ADARB2: variants seen among roughly 807,000 people sequenced by gnomAD.
The protein encoded by ADARB2 is adenosine deaminase RNA specific B2 (inactive), also known as inactive double-stranded RNA-specific editase B2.
A neutral mutation model predicts 62.2 loss-of-function variants in ADARB2; 25 were observed. That is an observed-to-expected ratio of 0.40 (90% CI 0.29 to 0.56). The LOEUF (loss-of-function observed/expected upper bound fraction) is 0.56. Ranked by LOEUF, ADARB2 falls within the 20% of genes least tolerant of loss-of-function variation. ADARB2 has a pLI of 0.43. For missense variants in ADARB2, 1,071 were observed against 1,077.4 expected (o/e 0.99, Z 0.08); for synonymous variants, 572 against 500.8 (o/e 1.14, Z -1.90).
intron 8 of ADARB2, among the ~76,000 whole-genome samples, chr10:1,198,626 C>A (rs1836941948): frequency 6.6e-6 from 1 of 152,246 alleles, no homozygotes; most frequent in South Asian, 2.1e-4. Context: ...CGTGGTGTGG[C>A]AGGTGCCACC....
chr10:1,191,032 G>T (rs944763674), intron 8 of ADARB2, among the ~76,000 whole-genome samples: 1 of 150,780 alleles, frequency 6.6e-6, no homozygotes, highest in African/African-American at 2.5e-5. Context: ...ACACTCTGCA[G>T]AATGGGGGTT....
intron 1 of ADARB2, among the ~76,000 whole-genome samples, chr10:1,576,553 C>A (rs1359615492): frequency 6.6e-6 from 1 of 152,104 alleles, no homozygotes; most frequent in African/African-American, 2.4e-5. Flanking sequence ...GCAGGTGGGA[C>A]CCCAGGGATA....
intron 1 of ADARB2, among the ~76,000 whole-genome samples, chr10:1,642,245 A>G (rs1182095579): frequency 1.4e-5 from 2 of 147,662 alleles, no homozygotes; most frequent in Non-Finnish European, 2.9e-5. Flanking sequence ...TATCAAAAAT[A>G]CTCAAAGCAT....
At position 1,179,748 on chromosome 10, in the gene ADARB2, A is replaced by C. The variant is rs1007153185; in HGVS notation, c.*3445T>G. 2.6e-5 allele frequency: 4 copies of C among 152,268 alleles called. No individual in the cohort carries two copies. The highest frequency in any genetic ancestry group is 9.6e-5 in the African/African-American group (4 of 41,462). The allele number at this position is 152,268 out of a possible 1,614,324, so 9.4% of individuals were successfully genotyped here. ...TATAGACTACAGAAAATCTGAAGCA[A>C]GGGTATGAATACAGACCACAGAAAA... On this transcript the variant is annotated 3_prime_UTR_variant, in exon 10 of 10. Transcript: ENST00000381312.
intron 1 of ADARB2, among the ~76,000 whole-genome samples, chr10:1,472,580 C>T (rs1199396571): frequency 6.6e-6 from 1 of 152,218 alleles, no homozygotes; most frequent in Non-Finnish European, 1.5e-5. Flanking sequence ...AGAGAAATGT[C>T]ATGCCTTCAA....
chr10:1,198,535 T>G (rs1836940580), intron 8 of ADARB2, among the ~76,000 whole-genome samples: 1 of 152,222 alleles, frequency 6.6e-6, no homozygotes, highest in Admixed American at 6.5e-5. Flanking sequence ...TTAGGCTCAT[T>G]TGCATCTGCA....
chr10:1,197,090 G>C (rs968082921), intron 8 of ADARB2, among the ~76,000 whole-genome samples: 2 of 152,216 alleles, frequency 1.3e-5, no homozygotes, highest in African/African-American at 4.8e-5. Flanking sequence ...CTCCAAAATA[G>C]ACCTCTGTTT....
rs1357146479 is a variant in ADARB2, at chr10:1,183,097, G to T, written c.*96C>A. 1 of 1,396,612 alleles carries T rather than the reference G, an allele frequency of 7.2e-7. No homozygotes were observed. Among genetic ancestry groups the T allele is most frequent in the Non-Finnish European group, 9.7e-7 (1 of 1,028,632 alleles). 86.5% of individuals were successfully genotyped at this position (1,396,612 alleles called of 1,614,324 possible). A position where few individuals can be genotyped will look rare whatever the true frequency, so the allele number is the denominator to read the frequency against. The stretch of plus-strand genomic sequence containing the variant: ...TGTTTCTGGGACACCAAAGTAAAAC[G>T]AATGCAGGGAACCGGCCGACCCGCC... On this transcript the variant is annotated 3_prime_UTR_variant, in exon 10 of 10. Coordinates refer to ENST00000381312, the MANE Select transcript of ADARB2 (RefSeq NM_018702.4).
At chr10:1,540,865 GTAGTT>G in intron 1 of ADARB2, among the ~76,000 whole-genome samples, 1 of 53,810 alleles carries the variant, frequency 1.9e-5, no homozygotes, top group Non-Finnish European at 3.7e-5. Context: ...CCACTCAGAC[GTAGTT>G]CAGACCCTGG....
intron 1 of ADARB2, among the ~76,000 whole-genome samples, chr10:1,576,740 C>T (rs1047403272): frequency 1.3e-5 from 2 of 152,160 alleles, no homozygotes; most frequent in Non-Finnish European, 2.9e-5. Flanking sequence ...AGCCCTGAAA[C>T]CCACATCCCC....
chr10:1,647,637 T>A (rs901697634), intron 1 of ADARB2, among the ~76,000 whole-genome samples: 1 of 152,108 alleles, frequency 6.6e-6, no homozygotes. Context: ...TGTGTGGATA[T>A]ATATGTGTGG....
At chr10:1,280,054 A>C (rs996888137) in intron 3 of ADARB2, among the ~76,000 whole-genome samples, 1 of 152,124 alleles carries the variant, frequency 6.6e-6, no homozygotes, top group African/African-American at 2.4e-5. Flanking sequence ...GATGTTCTCA[A>C]CTGAATGTCT....
chr10:1,479,431 C>G (rs543249809), intron 1 of ADARB2, among the ~76,000 whole-genome samples: 16 of 152,242 alleles, frequency 1.1e-4, no homozygotes, highest in Middle Eastern at 3.4e-3. Flanking sequence ...CTTCAGGGCC[C>G]GGACAGCAGA....
intron 7 of ADARB2, among the ~76,000 whole-genome samples, chr10:1,212,751 G>T (rs1206007551): frequency 6.6e-6 from 1 of 151,634 alleles, no homozygotes; most frequent in East Asian, 1.9e-4. Flanking sequence ...ACCGTGGCAG[G>T]CACCCTGCAG....
At chr10:1,411,434 C>T (rs1832758904) in intron 1 of ADARB2, among the ~76,000 whole-genome samples, 1 of 152,240 alleles carries the variant, frequency 6.6e-6, no homozygotes, top group Non-Finnish European at 1.5e-5. Context: ...CAGGAGAAAC[C>T]AGGGCTTCCA....
At chr10:1,590,153 G>A (rs567345669) in intron 1 of ADARB2, among the ~76,000 whole-genome samples, 11 of 152,172 alleles carry the variant, frequency 7.2e-5, no homozygotes, top group South Asian at 2.1e-4. Flanking sequence ...TGGTATCATC[G>A]CAAGGCATAG....
At position 1,546,018 on chromosome 10, in the gene ADARB2, AAAAG is replaced by A. The variant is rs1220692737; in HGVS notation, c.101-166862_101-166859del. The stretch of plus-strand genomic sequence containing the variant: ...AATGACCCTTAGTCCTTTAAAAAAA[AAAAG>A]AAAGCACCAAGGAGCTGAAACTCAC... On this transcript the variant is annotated intron_variant, in intron 1 of 9. Coordinates refer to ENST00000381312, the MANE Select transcript of ADARB2 (RefSeq NM_018702.4). Among the ~76,000 whole-genome samples, 11 of 152,258 alleles carry A rather than the reference AAAAG, an allele frequency of 7.2e-5. No individual in the cohort carries two copies. In the East Asian group the frequency reaches 1.7e-3, roughly 24 times the overall value.
At chr10:1,389,643 T>C (rs1832552048) in intron 1 of ADARB2, among the ~76,000 whole-genome samples, 1 of 151,984 alleles carries the variant, frequency 6.6e-6, no homozygotes, top group African/African-American at 2.4e-5. Flanking sequence ...CTTGGGAGGC[T>C]AAGGTTCAAG....
At chr10:1,716,445 G>A (rs573848292) in intron 1 of ADARB2, among the ~76,000 whole-genome samples, 22 of 152,324 alleles carry the variant, frequency 1.4e-4, no homozygotes, top group Admixed American at 8.5e-4. Flanking sequence ...GCCAGTGAAA[G>A]TTCTTGATAT....
Sources: gnomAD v4.1 joint callset for allele counts (sites outside exome capture counted in the v4.1 genomes callset) on GRCh38, gnomAD v4.1.1 for gene constraint, MANE v1.5 for transcripts, NCBI Gene and HGNC (gene_info 2026-07-23, HGNC 2026-07-21) for gene names.